Variants in BRCA1 observed in about 807,000 individuals in gnomAD.
The protein encoded by BRCA1 is BRCA1 DNA repair associated.
In BRCA1, 140 loss-of-function variants were observed where a neutral mutation model predicts 173.7. The ratio of observed to expected loss-of-function variants is 0.81; its 90% CI spans 0.70 to 0.93. BRCA1 has a LOEUF of 0.93. BRCA1 is among the 40% of genes least tolerant of loss of function. The pLI, the probability that BRCA1 is intolerant of heterozygous loss-of-function variation, is 0.00. For missense variants in BRCA1, 1,983 were observed against 2,172.5 expected (o/e 0.91, Z 1.73); for synonymous variants, 662 against 756.0 (o/e 0.88, Z 2.04).
intron 16 of BRCA1, 177 bp downstream of exon 16, chr17:43,067,431 T>C: frequency 1.9e-6 from 1 of 513,612 alleles, no homozygotes; most frequent in Admixed American, 3.2e-5. Flanking sequence ...ATTTTTTTAT[T>C]TTTTAGTAGA....
At position 43,097,238 on chromosome 17, in the gene BRCA1, A is replaced by C; in HGVS notation, c.593+6T>G. ...GCTTCATAGACAAAGGTTCTCTTTG[A>C]CTCACCTGCAATAAGTTGCCTTATT... On this transcript the variant is annotated splice_donor_region_variant and intron_variant, in intron 8 of 22. Coordinates refer to ENST00000357654, the MANE Select transcript of BRCA1 (RefSeq NM_007294.4). The C allele has an allele frequency of 1.2e-6, 2 of 1,613,196 alleles. No homozygotes were observed. Among genetic ancestry groups the C allele is most frequent in the Non-Finnish European group, 1.7e-6 (2 of 1,179,330 alleles).
chr17:43,074,176 C>T (rs946065615), intron 14 of BRCA1, among the ~76,000 whole-genome samples, 155 bp downstream of exon 14: 1 of 152,186 alleles, frequency 6.6e-6, no homozygotes, highest in Non-Finnish European at 1.5e-5. Context: ...CCTTGATTAA[C>T]ACTTGAGCTA....
In BRCA1 at chr17:43,157,589, A is replaced by T. The variant is rs534198210; in HGVS notation, c.-20+12537T>A. On this transcript the variant is annotated intron_variant, in intron 1 of 7. Coordinates refer to the BRCA1 transcript ENST00000634433. Reference sequence around the variant, plus strand: ...CACACGCCTGTAATCCTAGCTACTCAGGAGGCTCAGGCAGGAGAAGCACTT... The same window carrying T: ...CACACGCCTGTAATCCTAGCTACTCTGGAGGCTCAGGCAGGAGAAGCACTT... Among the ~76,000 whole-genome samples the T allele has an allele frequency of 2.3e-4, 35 of 152,090 alleles. No homozygotes were observed. The South Asian group carries it at 6.0e-3, about 26-fold the overall frequency.
At chr17:43,126,837 G>A (rs747190736), upstream of BRCA1, among the ~76,000 whole-genome samples, 4 of 152,198 alleles carry the variant, frequency 2.6e-5, no homozygotes, top group Non-Finnish European at 5.9e-5. Context: ...GGGAAGTGTG[G>A]AGGGAGAGGC....
chr17:43,096,818 G>A (rs1443356108), intron 8 of BRCA1, among the ~76,000 whole-genome samples: 1 of 152,210 alleles, frequency 6.6e-6, no homozygotes, highest in Non-Finnish European at 1.5e-5. Context: ...AAGCAAGCAT[G>A]TGCAGAGTTC....
rs876659403 is a variant in BRCA1 at position 43,094,372 on chromosome 17, A to T, written c.1159T>A (p.Ser387Thr). 3 of 1,614,204 alleles carry T rather than the reference A, an allele frequency of 1.9e-6. No homozygotes were observed. Among genetic ancestry groups the T allele is most frequent in the Non-Finnish European group, 1.7e-6 (2 of 1,180,028 alleles). Residue 387 changes from serine (S) to threonine (T), a missense_variant, in exon 10 of 23, where the codon TCC (serine) becomes ACC (threonine). By Grantham distance (58) the Ser-to-Thr change is moderately conservative. Coordinates refer to ENST00000357654, the MANE Select transcript of BRCA1 (RefSeq NM_007294.4). ...GAACCTAACAGTTCATCACTTCTGGAAAACCACTCATTAACTTTCTGAATG... is the reference window on the plus strand; with the variant it reads ...GAACCTAACAGTTCATCACTTCTGGTAAACCACTCATTAACTTTCTGAATG... ...SSIQKVNEWF[S>T]RSDELLGSDD...
chr17:43,047,002 G>A (rs1424248494), intron 22 of BRCA1, among the ~76,000 whole-genome samples: 5 of 152,116 alleles, frequency 3.3e-5, no homozygotes, highest in Admixed American at 6.6e-5. Flanking sequence ...TAAAATACAC[G>A]TGTATATATA....
chr17:43,118,761 C>CA (rs2055411954), intron 2 of BRCA1, among the ~76,000 whole-genome samples: 2 of 136,634 alleles, frequency 1.5e-5, no homozygotes, highest in African/African-American at 2.7e-5. Flanking sequence ...GAATGTGAAC[C>CA]TTTTTTTTTT....
At chr17:43,138,584 C>T (rs569868844) in intron 1 of BRCA1, 4 of 722,046 alleles carry the variant, frequency 5.5e-6, no homozygotes, top group South Asian at 3.0e-5. Context: ...GGGCTCCCCA[C>T]CATGCCTGGA....
intron 3 of BRCA1, among the ~76,000 whole-genome samples, chr17:43,112,302 G>C (rs2055071935): frequency 6.6e-6 from 1 of 152,124 alleles, no homozygotes; most frequent in Non-Finnish European, 1.5e-5. Flanking sequence ...TGGCCAGGCT[G>C]GTCTCGAACT....
At chr17:43,154,830 AAGC>A (rs2056186573) in intron 1 of BRCA1, among the ~76,000 whole-genome samples, 2 of 151,302 alleles carry the variant, frequency 1.3e-5, no homozygotes, top group Non-Finnish European at 3.0e-5. Flanking sequence ...GAGAAAAAAT[AAGC>A]AGGGTAAGGG....
At position 43,094,353 on chromosome 17, in the gene BRCA1, A is replaced by G; in HGVS notation, c.1178T>C (p.Leu393Ser). The G allele has an allele frequency of 6.2e-7, 1 of 1,614,164 alleles. No homozygotes were observed. Among genetic ancestry groups the G allele is most frequent in the South Asian group, 1.1e-5 (1 of 91,084 alleles). ...CCCATCATGTGAGTCATCAGAACCT[A>G]ACAGTTCATCACTTCTGGAAAACCA... ...NEWFSRSDEL[L>S]GSDDSHDGES... Residue 393 changes from leucine (L) to serine (S), a missense_variant, in exon 10 of 23, where the codon TTA becomes TCA. Leu to Ser is a moderately radical substitution (Grantham distance 145, BLOSUM62 -2). Coordinates refer to ENST00000357654, the MANE Select transcript of BRCA1 (RefSeq NM_007294.4).
chr17:43,049,498 C>T lies in BRCA1; in HGVS notation c.5333-304G>A, dbSNP rs55633264. Among the ~76,000 whole-genome samples the T allele has an allele frequency of 5.2e-4, 79 of 152,254 alleles. 3 individuals are homozygous for T. In the East Asian group the frequency reaches 0.014, roughly 27 times the overall value. On this transcript the variant is annotated intron_variant, in intron 20 of 22. Transcript: ENST00000357654. ...CAAAGATCTAATTTCCATTAATTTG[C>T]TAAATTGCTGGCTAAGACACTGTGT...
In BRCA1 at chr17:43,100,686, T is replaced by TAACATATATATATATATA. The variant is rs1567807839; in HGVS notation, c.442-807_442-806insTATATATATATATATGTT. On this transcript the variant is annotated intron_variant, in intron 6 of 22. Coordinates refer to ENST00000357654, the MANE Select transcript of BRCA1 (RefSeq NM_007294.4). ...TATATATATATATATATAATATATATATATATATATATATATGTAATCCCA... is the reference window on the plus strand; with the variant it reads ...TATATATATATATATATAATATATATAACATATATATATATATAATATATATATATATATGTAATCCCA... Among the ~76,000 whole-genome samples the TAACATATATATATATATA allele has an allele frequency of 1.7e-3, 29 of 17,436 alleles. 6 individuals are homozygous for TAACATATATATATATATA. The highest frequency in any genetic ancestry group is 3.1e-3 in the African/African-American group (28 of 9,152). 11.4% of individuals were successfully genotyped at this position (17,436 alleles called of 152,430 possible).
In BRCA1 at chr17:43,100,665, T is replaced by TAAC. The variant is rs1555595324; in HGVS notation, c.442-786_442-785insGTT. On this transcript the variant is annotated intron_variant, in intron 6 of 22. Transcript: ENST00000357654. ...ATATAACATATATATAACATATATA[T>TAAC]ATATATATATATAATATATATATAT... 3.3e-3 allele frequency among the ~76,000 whole-genome samples: 20 copies of TAAC among 6,116 alleles called. 1 individual carries two copies. The highest frequency in any genetic ancestry group is 4.9e-3 in the East Asian group (1 of 204). The allele number at this position is 6,116 out of a possible 152,430, so 4.0% of individuals were successfully genotyped here. A position where few individuals can be genotyped will look rare whatever the true frequency, so the allele number is the denominator to read the frequency against.
intron 21 of BRCA1, 58 bp downstream of exon 21, chr17:43,049,063 C>T (rs2051065230): frequency 1.9e-6 from 3 of 1,543,244 alleles, no homozygotes; most frequent in Non-Finnish European, 2.7e-6. Flanking sequence ...AGGTGCCAGT[C>T]TTGCTCACAG....
At chr17:43,142,947 T>C (rs2056086426) in intron 1 of BRCA1, among the ~76,000 whole-genome samples, 1 of 144,092 alleles carries the variant, frequency 6.9e-6, no homozygotes, top group African/African-American at 2.5e-5. Context: ...TGTGTATATA[T>C]ATATGTGTGT....
chr17:43,060,158 C>T (rs528143045), intron 18 of BRCA1, among the ~76,000 whole-genome samples: 2 of 152,262 alleles, frequency 1.3e-5, no homozygotes, highest in African/African-American at 4.8e-5. Context: ...ACAACCTCCA[C>T]CTCCCGGGTT....
intron 1 of BRCA1, among the ~76,000 whole-genome samples, chr17:43,147,338 C>T (rs1015542263): frequency 1.3e-5 from 2 of 152,072 alleles, no homozygotes; most frequent in Non-Finnish European, 2.9e-5. Flanking sequence ...TACAGGTGCC[C>T]GCCACCACGC....
Sources: allele counts gnomAD v4.1 joint callset (sites outside exome capture counted in the v4.1 genomes callset), GRCh38; gene constraint gnomAD v4.1.1; transcripts MANE v1.5; gene names NCBI Gene and HGNC (gene_info 2026-07-23, HGNC 2026-07-21).